SHQ1: variants seen among roughly 807,000 people sequenced by gnomAD.
SHQ1 encodes the protein SHQ1, H/ACA ribonucleoprotein assembly factor.
Under a neutral mutation model 53.8 loss-of-function variants are expected in SHQ1, and 49 were observed. That is an observed-to-expected ratio of 0.91 (90% CI 0.72 to 1.16). The LOEUF is 1.16. Among genes scored for constraint, SHQ1 ranks in the 50% most tolerant of loss-of-function variants. The pLI is 0.00. For missense variants in SHQ1, 738 were observed against 683.1 expected, an observed-to-expected ratio of 1.08 and a Z score of -0.90; for synonymous variants, 243 against 251.0, an observed-to-expected ratio of 0.97 and a Z score of 0.30.
intron 10 of SHQ1, among the ~76,000 whole-genome samples, chr3:72,767,126 C>A (rs371240669): frequency 1.3e-5 from 2 of 152,304 alleles, no homozygotes; most frequent in South Asian, 2.1e-4. Flanking sequence ...AAGCACTAAT[C>A]CTCCACACGG....
chr3:72,768,562 G>A (rs1705782224), intron 10 of SHQ1, among the ~76,000 whole-genome samples: 1 of 152,194 alleles, frequency 6.6e-6, no homozygotes, highest in South Asian at 2.1e-4. Context: ...CCTGCTGAGT[G>A]AGGCAAATAA....
the SHQ1 span, among the ~76,000 whole-genome samples, chr3:72,726,712 C>T: frequency 3.9e-5 from 6 of 152,112 alleles, no homozygotes; most frequent in South Asian, 2.1e-4. Context: ...AAGCTCAGGG[C>T]GAAGCTCATC....
At chr3:72,804,383 A>G (rs1706876032) in intron 9 of SHQ1, among the ~76,000 whole-genome samples, 1 of 152,122 alleles carries the variant, frequency 6.6e-6, no homozygotes, top group Non-Finnish European at 1.5e-5. Context: ...AGTATCCACT[A>G]GCTGTTCTTC....
At chr3:72,826,259 T>G (rs1019760094) in intron 5 of SHQ1, among the ~76,000 whole-genome samples, 3 of 152,182 alleles carry the variant, frequency 2.0e-5, no homozygotes, top group Non-Finnish European at 4.4e-5. Flanking sequence ...AAGGACAAAA[T>G]AGCTGCTTCA....
intron 9 of SHQ1, among the ~76,000 whole-genome samples, chr3:72,801,168 T>A (rs1706774885): frequency 6.6e-6 from 1 of 151,330 alleles, no homozygotes; most frequent in Non-Finnish European, 1.5e-5. Context: ...GTCTACACAG[T>A]AAGGAGAAAA....
At chr3:72,740,292 G>C in the SHQ1 span, among the ~76,000 whole-genome samples, 1 of 152,202 alleles carries the variant, frequency 6.6e-6, no homozygotes, top group Non-Finnish European at 1.5e-5. Flanking sequence ...GGGAGGCTGG[G>C]ACACAGATAA....
rs1477188820 is a variant in SHQ1 at position 72,848,426 on chromosome 3, A to C, written c.-86T>G. ...GCAAACTCTCCAACTCCCCACGCGC[A>C]GGAACTCTCGGTGTGAGGGACGGAG... On this transcript the variant is annotated 5_prime_UTR_variant, in exon 1 of 11. Transcript: ENST00000325599. 6 of 1,554,484 alleles carry C rather than the reference A, an allele frequency of 3.9e-6. No individual in the cohort carries two copies. The highest frequency in any genetic ancestry group is 3.5e-6 in the Non-Finnish European group (4 of 1,153,006).
At chr3:72,836,120 A>G (rs1039171689) in intron 4 of SHQ1, among the ~76,000 whole-genome samples, 4 of 152,202 alleles carry the variant, frequency 2.6e-5, no homozygotes, top group Admixed American at 2.6e-4. Context: ...TGGGTGCCAA[A>G]GTGGAAATCC....
chr3:72,848,093 A>G, intron 1 of SHQ1, 105 bp downstream of exon 1: 1 of 1,397,456 alleles, frequency 7.2e-7, no homozygotes, highest in South Asian at 1.3e-5. Context: ...ACGTCGGGAA[A>G]AGGCATTCGC....
chr3:72,742,989 T>C, the SHQ1 span, among the ~76,000 whole-genome samples: 1 of 152,202 alleles, frequency 6.6e-6, no homozygotes, highest in East Asian at 1.9e-4. Context: ...ATCTTTATTC[T>C]AAATACTATC....
intron 4 of SHQ1, among the ~76,000 whole-genome samples, chr3:72,833,154 C>T (rs1707872559): frequency 6.6e-6 from 1 of 152,118 alleles, no homozygotes; most frequent in South Asian, 2.1e-4. Context: ...TAAAAGACTA[C>T]ATACAAGCTG....
chr3:72,843,596 C>T (rs1409387512), intron 2 of SHQ1, among the ~76,000 whole-genome samples: 5 of 152,210 alleles, frequency 3.3e-5, no homozygotes, highest in Non-Finnish European at 5.9e-5. Flanking sequence ...TCCTTAACTC[C>T]TGTGTACTTT....
At chr3:72,845,292 T>C (rs982281570) in intron 1 of SHQ1, among the ~76,000 whole-genome samples, 2 of 152,068 alleles carry the variant, frequency 1.3e-5, no homozygotes, top group Non-Finnish European at 2.9e-5. Context: ...AAGACCAACA[T>C]GGCCAAAATG....
the SHQ1 span, among the ~76,000 whole-genome samples, chr3:72,729,921 C>T: frequency 6.6e-6 from 1 of 152,082 alleles, no homozygotes; most frequent in South Asian, 2.1e-4. Flanking sequence ...GGGGTTCACG[C>T]CATTCTCCTG....
the SHQ1 span, among the ~76,000 whole-genome samples, chr3:72,725,717 T>C: frequency 1.3e-5 from 2 of 152,150 alleles, no homozygotes; most frequent in African/African-American, 2.4e-5. Flanking sequence ...CAGTAGATGC[T>C]TGTTGAATGA....
At chr3:72,775,592 G>A (rs1449652921) in intron 10 of SHQ1, among the ~76,000 whole-genome samples, 2 of 151,572 alleles carry the variant, frequency 1.3e-5, no homozygotes, top group Non-Finnish European at 2.9e-5. Context: ...GTACAATAAT[G>A]GGAAATTATA....
intron 4 of SHQ1, among the ~76,000 whole-genome samples, chr3:72,837,197 T>C (rs527444319): frequency 2.0e-4 from 30 of 152,204 alleles, no homozygotes; most frequent in African/African-American, 7.0e-4. Context: ...CTGGCAGCAA[T>C]TTCAGAAAGG....
the SHQ1 span, among the ~76,000 whole-genome samples, chr3:72,732,210 G>A: frequency 6.6e-6 from 1 of 151,508 alleles, no homozygotes; most frequent in Non-Finnish European, 1.5e-5. Context: ...GCCCCGTGCA[G>A]GCCTGGCTTG....
At chr3:72,787,580 A>G (rs13086674) in intron 10 of SHQ1, among the ~76,000 whole-genome samples, 171 of 152,330 alleles carry the variant, frequency 1.1e-3, no homozygotes, top group Non-Finnish European at 2.0e-3. Flanking sequence ...CTTAAAAAAA[A>G]CTCTGTAATG....
Sources: allele counts gnomAD v4.1 joint callset (sites outside exome capture counted in the v4.1 genomes callset), GRCh38; gene constraint gnomAD v4.1.1; transcripts MANE v1.5; gene names NCBI Gene and HGNC (gene_info 2026-07-23, HGNC 2026-07-21).